CTNNBL1: variants seen among roughly 807,000 people sequenced by gnomAD.
The protein encoded by CTNNBL1 is catenin beta like 1.
In CTNNBL1, 31 loss-of-function variants were observed where a neutral mutation model predicts 72.7. That is an observed-to-expected ratio of 0.43 (90% CI 0.32 to 0.58). The LOEUF is 0.58. Ranked by LOEUF, CTNNBL1 falls within the 20% of genes least tolerant of loss-of-function variation. The probability of loss-of-function intolerance (pLI) is 0.08; values close to 1 mark genes in which losing one functional copy is unlikely to be tolerated. For synonymous variants in CTNNBL1, 240 were observed against 267.3 expected (o/e 0.90, Z 1.00); for missense variants, 534 against 725.1 (o/e 0.74, Z 3.03).
intron 11 of CTNNBL1, among the ~76,000 whole-genome samples, chr20:37,806,984 G>A (rs1182614322): frequency 3.9e-5 from 6 of 152,086 alleles, no homozygotes; most frequent in African/African-American, 7.2e-5. Flanking sequence ...TGATAAAGGG[G>A]CATCTATTTT....
intron 10 of CTNNBL1, among the ~76,000 whole-genome samples, chr20:37,798,677 C>G (rs1426627575): frequency 1.3e-5 from 2 of 152,016 alleles, no homozygotes; most frequent in East Asian, 3.9e-4. Context: ...CTTTTAAAAT[C>G]TTTTGTTTGT....
intron 15 of CTNNBL1, among the ~76,000 whole-genome samples, chr20:37,862,675 C>T (rs954840774): frequency 2.0e-5 from 3 of 152,092 alleles, no homozygotes; most frequent in Non-Finnish European, 4.4e-5. Context: ...CATTCCCACC[C>T]CTCTGTTTTT....
At chr20:37,867,595 A>G (rs2072546685) in intron 15 of CTNNBL1, among the ~76,000 whole-genome samples, 2 of 152,174 alleles carry the variant, frequency 1.3e-5, no homozygotes, top group African/African-American at 4.8e-5. Flanking sequence ...GTTGACGTGT[A>G]TGCCGTCTTT....
chr20:37,718,096 A>C (rs977425624), intron 1 of CTNNBL1, among the ~76,000 whole-genome samples: 2 of 152,038 alleles, frequency 1.3e-5, no homozygotes, highest in African/African-American at 4.8e-5. Flanking sequence ...CATTGTCATC[A>C]TGGCCCGCTC....
intron 1 of CTNNBL1, among the ~76,000 whole-genome samples, chr20:37,730,117 G>T (rs1362080890): frequency 1.3e-5 from 2 of 152,150 alleles, no homozygotes; most frequent in Admixed American, 1.3e-4. Context: ...ATAAAGAGGG[G>T]AATGACTTTC....
intron 15 of CTNNBL1, 45 bp downstream of exon 15, chr20:37,860,389 G>C (rs1169591120): frequency 7.0e-7 from 1 of 1,434,834 alleles, no homozygotes; most frequent in Admixed American, 1.7e-5. Context: ...AGGATTAGAT[G>C]ATGCTTACTT....
At chr20:37,752,682 A>G (rs2073330991) in intron 4 of CTNNBL1, among the ~76,000 whole-genome samples, 1 of 152,102 alleles carries the variant, frequency 6.6e-6, no homozygotes, top group Non-Finnish European at 1.5e-5. Flanking sequence ...CCACAGCCAA[A>G]AAATAGAAGT....
At chr20:37,805,176 G>T (rs893665527) in intron 11 of CTNNBL1, among the ~76,000 whole-genome samples, 1 of 152,238 alleles carries the variant, frequency 6.6e-6, no homozygotes. Flanking sequence ...TGTGCTCTTT[G>T]TTGGCCTCCG....
At chr20:37,869,516 G>A (rs1239972290) in intron 15 of CTNNBL1, among the ~76,000 whole-genome samples, 1 of 152,384 alleles carries the variant, frequency 6.6e-6, no homozygotes, top group East Asian at 1.9e-4. Context: ...CCTCGGCCAG[G>A]CTTAGCTGGG....
intron 11 of CTNNBL1, among the ~76,000 whole-genome samples, chr20:37,825,948 A>G (rs1052406471): frequency 3.3e-5 from 5 of 152,244 alleles, no homozygotes; most frequent in Non-Finnish European, 7.3e-5. Context: ...AGGAAACTAC[A>G]GGCTGGAGTC....
chr20:37,860,148 C>T, intron 14 of CTNNBL1, 112 bp downstream of exon 14: 3 of 1,491,358 alleles, frequency 2.0e-6, no homozygotes, highest in East Asian at 4.5e-5. Context: ...CCTTGAATTC[C>T]TTTACTCTAC....
At chr20:37,733,098 A>G (rs771588348) in intron 2 of CTNNBL1, 31 bp downstream of exon 2, 7 of 1,601,740 alleles carry the variant, frequency 4.4e-6, no homozygotes, top group African/African-American at 1.3e-5. Context: ...GGGAGCTGAG[A>G]TGGCTGGCCC....
intron 1 of CTNNBL1, among the ~76,000 whole-genome samples, chr20:37,718,086 C>A (rs1188548489): frequency 6.6e-6 from 1 of 152,200 alleles, no homozygotes; most frequent in Non-Finnish European, 1.5e-5. Context: ...ACAAAACCGC[C>A]ATTGTCATCA....
At chr20:37,806,329 T>C (rs2071960168) in intron 11 of CTNNBL1, among the ~76,000 whole-genome samples, 1 of 152,190 alleles carries the variant, frequency 6.6e-6, no homozygotes, top group South Asian at 2.1e-4. Flanking sequence ...TCCCTTTCTT[T>C]CTTGTGAAGC....
At chr20:37,868,004 C>A (rs6021469) in intron 15 of CTNNBL1, among the ~76,000 whole-genome samples, 16 of 152,270 alleles carry the variant, frequency 1.1e-4, no homozygotes, top group African/African-American at 3.8e-4. Flanking sequence ...GGCCGGCTCA[C>A]TGTGGGACCC....
At chr20:37,756,910 G>C (rs2122645798) in intron 4 of CTNNBL1, 1 of 152,176 alleles carries the variant, frequency 6.6e-6, no homozygotes, top group Middle Eastern at 3.4e-3. Context: ...GCCTTCCAAA[G>C]TGCTGGGTGT....
chr20:37,694,661 A>G (rs1357945638), intron 1 of CTNNBL1, among the ~76,000 whole-genome samples: 3 of 152,144 alleles, frequency 2.0e-5, no homozygotes, highest in African/African-American at 7.2e-5. Flanking sequence ...GTACCAACTG[A>G]TATGTATGAA....
chr20:37,763,410 A>G (rs924924466), intron 5 of CTNNBL1, among the ~76,000 whole-genome samples: 3 of 152,184 alleles, frequency 2.0e-5, no homozygotes, highest in African/African-American at 7.2e-5. Context: ...TGTTTCTTCA[A>G]ATAGCATCCC....
intron 7 of CTNNBL1, among the ~76,000 whole-genome samples, chr20:37,771,393 C>T (rs1439196162): frequency 1.3e-5 from 2 of 152,168 alleles, no homozygotes; most frequent in Non-Finnish European, 2.9e-5. Context: ...CCATTTTACT[C>T]TGGAGACTAA....
Sources: allele counts gnomAD v4.1 joint callset (sites outside exome capture counted in the v4.1 genomes callset), GRCh38; gene constraint gnomAD v4.1.1; transcripts MANE v1.5; gene names NCBI Gene and HGNC (gene_info 2026-07-23, HGNC 2026-07-21).